FGF1: variants seen among roughly 807,000 people sequenced by gnomAD.
FGF1 encodes fibroblast growth factor 1.
In FGF1, 9 loss-of-function variants were observed where a neutral mutation model predicts 13.4. The ratio of observed to expected loss-of-function variants is 0.67; its 90% CI spans 0.40 to 1.17. The LOEUF is 1.17. FGF1 is among the 50% of genes most tolerant of loss of function. The pLI, the probability that FGF1 is intolerant of heterozygous loss-of-function variation, is 0.01. For missense variants in FGF1, 156 were observed against 192.7 expected (o/e 0.81, Z 1.13); for synonymous variants, 93 against 79.0 (o/e 1.18, Z -0.94).
At chr5:142,608,836 A>C (rs988456308) in intron 2 of FGF1, among the ~76,000 whole-genome samples, 1 of 150,976 alleles carries the variant, frequency 6.6e-6, no homozygotes, top group African/African-American at 2.4e-5. Flanking sequence ...TTTATGTATA[A>C]AAATCCTCTA....
intron 1 of FGF1, among the ~76,000 whole-genome samples, chr5:142,637,324 G>GT (rs34766539): frequency 7.5e-4 from 106 of 141,624 alleles, no homozygotes; most frequent in South Asian, 2.7e-3. Context: ...CGGCGTTTTT[G>GT]TTTTTTTTTT....
chr5:142,648,961 A>G (rs1300524279), intron 1 of FGF1, among the ~76,000 whole-genome samples: 1 of 152,254 alleles, frequency 6.6e-6, no homozygotes, highest in Non-Finnish European at 1.5e-5. Context: ...AAACAATAGC[A>G]GGACGGCCGA....
chr5:142,648,207 C>T (rs890222987), intron 1 of FGF1, among the ~76,000 whole-genome samples: 1 of 152,072 alleles, frequency 6.6e-6, no homozygotes, highest in Non-Finnish European at 1.5e-5. Flanking sequence ...TTCACACACA[C>T]GTATGTTTAT....
At chr5:142,635,390 C>T (rs1345651040) in intron 1 of FGF1, among the ~76,000 whole-genome samples, 2 of 152,048 alleles carry the variant, frequency 1.3e-5, no homozygotes, top group Non-Finnish European at 2.9e-5. Flanking sequence ...TTGTACCTGG[C>T]ACAGGCCCTT....
chr5:142,624,581 C>T (rs1371004818), intron 1 of FGF1, among the ~76,000 whole-genome samples: 2 of 152,160 alleles, frequency 1.3e-5, no homozygotes, highest in East Asian at 3.8e-4. Context: ...TTCTCTTCTG[C>T]TCTTTAATTT....
intron 1 of FGF1, among the ~76,000 whole-genome samples, chr5:142,629,895 A>ATATT (rs367828611): frequency 5.9e-4 from 76 of 127,840 alleles, no homozygotes; most frequent in Admixed American, 8.2e-4. Flanking sequence ...ATATATATAT[A>ATATT]TTTTTTTTTT....
intron 1 of FGF1, among the ~76,000 whole-genome samples, chr5:142,623,402 TG>T (rs994777458): frequency 2.0e-5 from 3 of 151,704 alleles, no homozygotes; most frequent in Non-Finnish European, 4.4e-5. Context: ...TGAAGTGCAG[TG>T]GTGCGATCTC....
intron 1 of FGF1, among the ~76,000 whole-genome samples, chr5:142,625,237 T>C (rs554542133): frequency 6.6e-6 from 1 of 151,896 alleles, no homozygotes; most frequent in South Asian, 2.1e-4. Flanking sequence ...TGTTATCTAA[T>C]CCAGCTGTGT....
At chr5:142,677,460 A>G (rs538277400) in intron 1 of FGF1, among the ~76,000 whole-genome samples, 3 of 152,332 alleles carry the variant, frequency 2.0e-5, no homozygotes, top group African/African-American at 7.2e-5. Flanking sequence ...GGATTTTTCC[A>G]GGCTTCCGAA....
chr5:142,627,037 C>T (rs1429501512), intron 1 of FGF1: 1 of 152,148 alleles, frequency 6.6e-6, no homozygotes, highest in Non-Finnish European at 1.5e-5. Context: ...AGGACAAGGT[C>T]CAGGAGGGAG....
At chr5:142,612,853 G>A (rs1367592491) in intron 2 of FGF1, among the ~76,000 whole-genome samples, 1 of 152,156 alleles carries the variant, frequency 6.6e-6, no homozygotes, top group Admixed American at 6.5e-5. Flanking sequence ...GCATCTGAGG[G>A]TACAGCGTGA....
chr5:142,642,398 G>T (rs74868450), intron 1 of FGF1, among the ~76,000 whole-genome samples: 1 of 152,122 alleles, frequency 6.6e-6, no homozygotes, highest in Admixed American at 6.5e-5. Context: ...AGTTCTGTGG[G>T]GCCTTTTCAG....
At chr5:142,619,216 G>A (rs1158959718) in intron 1 of FGF1, among the ~76,000 whole-genome samples, 1 of 152,154 alleles carries the variant, frequency 6.6e-6, no homozygotes, top group African/African-American at 2.4e-5. Flanking sequence ...TTACAGGCGT[G>A]AGCCACCACG....
intron 1 of FGF1, among the ~76,000 whole-genome samples, chr5:142,655,924 G>C (rs1385103499): frequency 1.3e-5 from 2 of 152,222 alleles, no homozygotes; most frequent in Non-Finnish European, 2.9e-5. Flanking sequence ...CCCTTGCAAA[G>C]AGACTGTTTA....
chr5:142,595,823 G>A (rs538119385), intron 3 of FGF1, among the ~76,000 whole-genome samples: 1 of 152,194 alleles, frequency 6.6e-6, no homozygotes, highest in Non-Finnish European at 1.5e-5. Context: ...CATTCTGCTC[G>A]ACTGTAAGTA....
At chr5:142,606,030 T>G (rs1438437213) in intron 2 of FGF1, among the ~76,000 whole-genome samples, 1 of 140,866 alleles carries the variant, frequency 7.1e-6, no homozygotes, top group Non-Finnish European at 1.6e-5. Flanking sequence ...AGTCAACACA[T>G]ATTCATCTAC....
At chr5:142,681,669 T>C (rs1773715826) in intron 1 of FGF1, among the ~76,000 whole-genome samples, 1 of 151,804 alleles carries the variant, frequency 6.6e-6, no homozygotes, top group African/African-American at 2.4e-5. Context: ...CCTCTCATAA[T>C]CCCCCCAAAC....
intron 3 of FGF1, among the ~76,000 whole-genome samples, chr5:142,597,571 A>G (rs1755572975): frequency 6.6e-6 from 1 of 152,228 alleles, no homozygotes; most frequent in Admixed American, 6.5e-5. Context: ...ATCTTAGAAT[A>G]TATTTATTAC....
chr5:142,624,598 C>A (rs1762172874), intron 1 of FGF1, among the ~76,000 whole-genome samples: 1 of 152,148 alleles, frequency 6.6e-6, no homozygotes, highest in Non-Finnish European at 1.5e-5. Context: ...ATTTAGGATA[C>A]TTTTAATTCT....
Sources: gnomAD v4.1 joint callset for allele counts (sites outside exome capture counted in the v4.1 genomes callset) on GRCh38, gnomAD v4.1.1 for gene constraint, MANE v1.5 for transcripts, NCBI Gene and HGNC (gene_info 2026-07-23, HGNC 2026-07-21) for gene names.